Variants in OXCT1 observed in about 807,000 individuals in gnomAD.
The protein encoded by OXCT1 is succinyl-CoA:3-ketoacid coenzyme A transferase 1, mitochondrial.
In OXCT1, 27 loss-of-function variants were observed where a neutral mutation model predicts 69.6. That is an observed-to-expected ratio of 0.39 (90% CI 0.29 to 0.54). OXCT1 has a LOEUF of 0.54. OXCT1 is among the 20% of genes least tolerant of loss of function. The pLI is 0.72. For missense variants in OXCT1, 437 were observed against 650.2 expected (o/e 0.67, Z 3.57); for synonymous variants, 202 against 217.8 (o/e 0.93, Z 0.64).
chr5:41,861,177 T>C, intron 3 of OXCT1, 137 bp downstream of exon 3: 1 of 714,556 alleles, frequency 1.4e-6, no homozygotes, highest in Non-Finnish European at 2.5e-6. Flanking sequence ...CTCTTGACCT[T>C]GTTAAACACT....
At chr5:41,853,606 T>C in intron 3 of OXCT1, 52 bp from the exon 4 acceptor site, 1 of 1,562,920 alleles carries the variant, frequency 6.4e-7, no homozygotes, top group Non-Finnish European at 8.8e-7. Flanking sequence ...AGAACACTAT[T>C]ACATCTTTTT....
intron 14 of OXCT1, among the ~76,000 whole-genome samples, chr5:41,757,957 G>C (rs1281378943): frequency 6.6e-6 from 1 of 152,088 alleles, no homozygotes; most frequent in East Asian, 1.9e-4. Context: ...ACTTCATCTA[G>C]CTTTAGTTTT....
intron 10 of OXCT1, among the ~76,000 whole-genome samples, chr5:41,802,644 T>C (rs1482351229): frequency 2.6e-5 from 4 of 152,158 alleles, no homozygotes; most frequent in South Asian, 4.2e-4. Flanking sequence ...CATAGAACTA[T>C]TGACAACCTT....
intron 7 of OXCT1, among the ~76,000 whole-genome samples, chr5:41,813,850 CAT>C (rs1262772532): frequency 6.6e-6 from 1 of 151,924 alleles, no homozygotes; most frequent in Non-Finnish European, 1.5e-5. Context: ...ACCATTAAAA[CAT>C]AGTGCCTGAC....
intron 13 of OXCT1, among the ~76,000 whole-genome samples, chr5:41,782,235 A>G (rs1464422547): frequency 1.3e-5 from 2 of 148,770 alleles, no homozygotes; most frequent in Non-Finnish European, 3.0e-5. Flanking sequence ...TTTTTTTTTA[A>G]ATGGAGTCTT....
intron 11 of OXCT1, 98 bp from the exon 12 acceptor site, chr5:41,794,847 T>G: frequency 7.5e-7 from 1 of 1,327,232 alleles, no homozygotes; most frequent in Non-Finnish European, 1.1e-6. Flanking sequence ...CCAAAAGAAC[T>G]TAAGCTCCCT....
intron 13 of OXCT1, among the ~76,000 whole-genome samples, chr5:41,788,938 G>T (rs944739276): frequency 6.6e-6 from 1 of 151,898 alleles, no homozygotes; most frequent in Non-Finnish European, 1.5e-5. Context: ...GACCTCAAAA[G>T]AATTAAACTG....
chr5:41,780,189 C>T (rs1003891846), intron 13 of OXCT1, among the ~76,000 whole-genome samples: 4 of 151,872 alleles, frequency 2.6e-5, no homozygotes, highest in African/African-American at 9.7e-5. Flanking sequence ...TTGGAAAATG[C>T]AAATTAACAA....
rs1561138001 is a variant in OXCT1, at chr5:41,862,705, A to T, written c.124T>A (p.Phe42Ile). Reference protein sequence around the residue: ...FSTSAHRHTKFYTDPVEAVKD... With the variant: ...FSTSAHRHTKIYTDPVEAVKD... ...ACAGCTTCTACTGGATCTGTATAAA[A>T]CTTGGTATGGCGATGAGCACTGGTG... Residue 42 changes from phenylalanine (F) to isoleucine (I), a missense_variant, in exon 2 of 17, where the codon TTT becomes ATT. By Grantham distance (21) the Phe-to-Ile change is conservative. Around this residue, in one of 4 missense-constraint regions of OXCT1, gnomAD observed 79 missense variants for 61.5 expected, o/e 1.28. Coordinates refer to ENST00000196371, the MANE Select transcript of OXCT1 (RefSeq NM_000436.4). 1.2e-6 allele frequency: 2 copies of T among 1,613,522 alleles called. No homozygotes were observed. The highest frequency in any genetic ancestry group is 1.7e-6 in the Non-Finnish European group (2 of 1,179,610).
At chr5:41,830,625 C>G (rs890278780) in intron 7 of OXCT1, among the ~76,000 whole-genome samples, 1 of 152,124 alleles carries the variant, frequency 6.6e-6, no homozygotes, top group African/African-American at 2.4e-5. Context: ...CAGGAATGAG[C>G]CTGCGTATGG....
intron 7 of OXCT1, among the ~76,000 whole-genome samples, chr5:41,818,238 G>A (rs1039211771): frequency 6.6e-6 from 1 of 152,104 alleles, no homozygotes; most frequent in African/African-American, 2.4e-5. Flanking sequence ...TGCAATAATA[G>A]AGGGAACATT....
intron 9 of OXCT1, among the ~76,000 whole-genome samples, chr5:41,804,649 C>T (rs1387636929): frequency 1.3e-5 from 2 of 151,990 alleles, no homozygotes; most frequent in African/African-American, 4.8e-5. Flanking sequence ...TATTCTTTTC[C>T]CCTATGTGAG....
intron 7 of OXCT1, among the ~76,000 whole-genome samples, chr5:41,812,922 A>T (rs1747055419): frequency 6.6e-6 from 1 of 152,028 alleles, no homozygotes; most frequent in South Asian, 2.1e-4. Flanking sequence ...CTGAGAGGCA[A>T]ATATACTCCT....
At chr5:41,773,986 CAGTA>C (rs1248551461) in intron 13 of OXCT1, among the ~76,000 whole-genome samples, 5 of 152,168 alleles carry the variant, frequency 3.3e-5, no homozygotes, top group South Asian at 2.1e-4. Context: ...GCAGGAGTTA[CAGTA>C]AGTGAGAGGA....
intron 7 of OXCT1, among the ~76,000 whole-genome samples, chr5:41,822,405 GC>G (rs1747599208): frequency 6.6e-6 from 1 of 152,086 alleles, no homozygotes; most frequent in African/African-American, 2.4e-5. Flanking sequence ...TTATGGACTA[GC>G]CCTCTTTATC....
intron 7 of OXCT1, among the ~76,000 whole-genome samples, chr5:41,822,991 T>G (rs892984482): frequency 2.6e-5 from 4 of 152,240 alleles, no homozygotes; most frequent in Non-Finnish European, 5.9e-5. Flanking sequence ...GTCCTTGTTC[T>G]TTATTCTTTT....
chr5:41,767,439 G>A (rs1039488694), intron 13 of OXCT1, among the ~76,000 whole-genome samples: 1 of 151,866 alleles, frequency 6.6e-6, no homozygotes, highest in Non-Finnish European at 1.5e-5. Flanking sequence ...CAAAAGAGCA[G>A]TATTCTGATA....
rs1746054408 is a variant in OXCT1 at position 41,793,989 on chromosome 5, A to G, written c.1248+14T>C. ...TGATCCAAACATAATTCAGAATAAAAAATGTCTACTTACAGGTATCATCCA... is the reference window on the plus strand; with the variant it reads ...TGATCCAAACATAATTCAGAATAAAGAATGTCTACTTACAGGTATCATCCA... On this transcript the variant is annotated intron_variant, in intron 13 of 16. Coordinates refer to ENST00000196371, the MANE Select transcript of OXCT1 (RefSeq NM_000436.4). 6.6e-7 allele frequency: 1 copy of G among 1,519,738 alleles called. No individual in the cohort carries two copies. Among genetic ancestry groups the G allele is most frequent in the Non-Finnish European group, 9.1e-7 (1 of 1,093,736 alleles). 94.1% of individuals were successfully genotyped at this position (1,519,738 alleles called of 1,614,324 possible).
At chr5:41,771,208 C>A (rs1363573029) in intron 13 of OXCT1, among the ~76,000 whole-genome samples, 1 of 152,098 alleles carries the variant, frequency 6.6e-6, no homozygotes, top group African/African-American at 2.4e-5. Context: ...ATGTAAATAC[C>A]ATTCAAGAGG....
Sources: allele counts gnomAD v4.1 joint callset (sites outside exome capture counted in the v4.1 genomes callset), GRCh38; gene constraint gnomAD v4.1.1; regional missense constraint gnomAD v4.1.1; transcripts MANE v1.5; gene names NCBI Gene and HGNC (gene_info 2026-07-23, HGNC 2026-07-21).